Variants in ZNF365 observed in about 807,000 individuals in gnomAD.
ZNF365 encodes the protein protein ZNF365.
In ZNF365, 22 loss-of-function variants were observed where a neutral mutation model predicts 35.0. The ratio of observed to expected loss-of-function variants is 0.63; its 90% CI spans 0.45 to 0.90. The LOEUF (loss-of-function observed/expected upper bound fraction) is 0.90. ZNF365 is among the 40% of genes least tolerant of loss of function. ZNF365 has a pLI of 0.00. For missense variants in ZNF365, 448 were observed against 500.3 expected (o/e 0.90, Z 1.00); for synonymous variants, 188 against 196.2 (o/e 0.96, Z 0.35).
At chr10:62,428,717 T>A (rs985194835) in intron 3 of ZNF365, among the ~76,000 whole-genome samples, 3 of 152,012 alleles carry the variant, frequency 2.0e-5, no homozygotes, top group Non-Finnish European at 4.4e-5. Flanking sequence ...GTTGGTGGGG[T>A]GAAACCCATT....
intron 4 of ZNF365, among the ~76,000 whole-genome samples, chr10:62,470,565 A>G (rs16917275): frequency 0.19 from 28,855 of 152,196 alleles, 3,671 homozygotes; most frequent in African/African-American, 0.36. Flanking sequence ...TTTAGGTTAG[A>G]TACAAATCTC....
At chr10:62,390,559 C>A (rs574372067) in intron 3 of ZNF365, among the ~76,000 whole-genome samples, 45 of 152,246 alleles carry the variant, frequency 3.0e-4, no homozygotes, top group Admixed American at 7.8e-4. Context: ...ATAATGTAAT[C>A]AAAAGTTGGG....
At chr10:62,382,785 G>A (rs1839462400) in intron 2 of ZNF365, among the ~76,000 whole-genome samples, 2 of 152,194 alleles carry the variant, frequency 1.3e-5, no homozygotes, top group East Asian at 1.9e-4. Flanking sequence ...CTCCTGCTTT[G>A]GGATTTGCCT....
intron 4 of ZNF365, chr10:62,459,909 T>C: frequency 1.1e-6 from 1 of 883,764 alleles, no homozygotes; most frequent in Non-Finnish European, 1.8e-6. Flanking sequence ...GGTTTCTGTA[T>C]GAAAACACAC....
chr10:62,407,785 T>C (rs141305476), intron 3 of ZNF365, among the ~76,000 whole-genome samples: 1 of 152,318 alleles, frequency 6.6e-6, no homozygotes, highest in East Asian at 1.9e-4. Context: ...AAATACATGG[T>C]ATTTCCTTCT....
chr10:62,467,829 A>G (rs1232541377), intron 4 of ZNF365, among the ~76,000 whole-genome samples: 6 of 152,266 alleles, frequency 3.9e-5, no homozygotes, highest in African/African-American at 7.2e-5. Context: ...TCAAGTATCT[A>G]TTGTAACTGT....
chr10:62,391,429 T>C (rs1387332022), intron 3 of ZNF365, among the ~76,000 whole-genome samples: 2 of 151,662 alleles, frequency 1.3e-5, no homozygotes, highest in Non-Finnish European at 1.5e-5. Flanking sequence ...TCAAAGTCCA[T>C]TGTATCATTC....
At chr10:62,418,217 C>CT (rs1005319985) in intron 3 of ZNF365, among the ~76,000 whole-genome samples, 1 of 151,808 alleles carries the variant, frequency 6.6e-6, no homozygotes, top group Admixed American at 6.6e-5. Context: ...GTCAATATTT[C>CT]TTTTTTTGAC....
rs1839344140 is a variant in ZNF365 at position 62,376,861 on chromosome 10, A to C, written c.668A>C (p.Asp223Ala). 9 of 1,614,162 alleles carry C rather than the reference A, an allele frequency of 5.6e-6. No homozygotes were observed. The highest frequency in any genetic ancestry group is 2.2e-5 in the East Asian group (1 of 44,876). Residue 223 changes from aspartate to alanine, a missense_variant, in exon 2 of 5, where the codon GAC (aspartate) becomes GCC (alanine). By Grantham distance (126) the Asp-to-Ala change is moderately radical (BLOSUM62 -2). Transcript: ENST00000395254. ...GAGCGGGCCTTAAACAGACAGGTGG[A>C]CGTGGCCGTGGAAATGATAGCTGTA... ...RRERALNRQV[D>A]VAVEMIAVLR...
intron 3 of ZNF365, among the ~76,000 whole-genome samples, chr10:62,411,660 A>G (rs955855094): frequency 1.3e-5 from 2 of 152,110 alleles, no homozygotes; most frequent in Admixed American, 1.3e-4. Context: ...TACCAGTACC[A>G]TGCTGTTTTC....
chr10:62,415,347 T>A (rs1293204280), intron 3 of ZNF365, among the ~76,000 whole-genome samples: 2 of 152,174 alleles, frequency 1.3e-5, no homozygotes, highest in African/African-American at 4.8e-5. Context: ...AGACTGATTA[T>A]TTAAAGTGAT....
At position 62,401,966 on chromosome 10, in the gene ZNF365, G is replaced by C. The variant is rs1839837644; in HGVS notation, c.*2177G>C. On this transcript the variant is annotated 3_prime_UTR_variant, in exon 5 of 5. Coordinates refer to ENST00000395254, the MANE Select transcript of ZNF365 (RefSeq NM_014951.3). ...ATTTTGACCCCATATAAAGAAATGT[G>C]TTATGTATGTTGTGCCTCCTTAGAG... The C allele has an allele frequency of 8.1e-6, 8 of 985,488 alleles. No homozygotes were observed. Among genetic ancestry groups the C allele is most frequent in the Non-Finnish European group, 7.2e-6 (6 of 829,912 alleles). The allele number at this position is 985,488 out of a possible 1,614,324, so 61.0% of individuals were successfully genotyped here. A position where few individuals can be genotyped will look rare whatever the true frequency, so the allele number is the denominator to read the frequency against.
At position 62,429,173 on chromosome 10, in the gene ZNF365, G is replaced by T. The variant is rs79654696; in HGVS notation, c.925-30568G>T. On this transcript the variant is annotated intron_variant, in intron 3 of 4. Transcript: ENST00000395255. Reference sequence around the variant, plus strand: ...CCCAGCCTCCATTTAAACCAGGGATGCATAGAGAAAGAAGTGGGAATGGTT... The same window carrying T: ...CCCAGCCTCCATTTAAACCAGGGATTCATAGAGAAAGAAGTGGGAATGGTT... Among the ~76,000 whole-genome samples, 950 of 152,294 alleles carry T rather than the reference G, an allele frequency of 6.2e-3. 12 individuals carry two copies. Among genetic ancestry groups the T allele is most frequent in the African/African-American group, 0.022 (903 of 41,566 alleles).
At chr10:62,453,925 C>T (rs571692178) in intron 3 of ZNF365, among the ~76,000 whole-genome samples, 6 of 152,308 alleles carry the variant, frequency 3.9e-5, no homozygotes, top group East Asian at 1.9e-4. Context: ...TTAAATGATG[C>T]TGTGAAGGTT....
chr10:62,393,096 A>G (rs546985834), intron 3 of ZNF365, among the ~76,000 whole-genome samples: 2 of 151,584 alleles, frequency 1.3e-5, no homozygotes, highest in East Asian at 3.9e-4. Context: ...GATTATCAAT[A>G]TTCCTGTTCG....
At chr10:62,406,747 C>T (rs1318610587), downstream of ZNF365, among the ~76,000 whole-genome samples, 1 of 152,128 alleles carries the variant, frequency 6.6e-6, no homozygotes, top group East Asian at 1.9e-4. Flanking sequence ...ACAAGTGAAC[C>T]CTGGGAAGTA....
intron 4 of ZNF365, among the ~76,000 whole-genome samples, chr10:62,466,752 A>G (rs1212673261): frequency 1.3e-5 from 2 of 151,802 alleles, no homozygotes; most frequent in Non-Finnish European, 2.9e-5. Flanking sequence ...TAACCAGAGC[A>G]TTCAACAGGT....
intron 3 of ZNF365, among the ~76,000 whole-genome samples, chr10:62,443,547 T>C (rs191030969): frequency 8.3e-4 from 127 of 152,334 alleles, no homozygotes; most frequent in African/African-American, 2.7e-3. Context: ...CATATGTATA[T>C]GTCTCTTGGG....
At chr10:62,475,488 T>C (rs1841114605) in intron 4 of ZNF365, among the ~76,000 whole-genome samples, 1 of 152,192 alleles carries the variant, frequency 6.6e-6, no homozygotes, top group South Asian at 2.1e-4. Flanking sequence ...ATTGTGACTG[T>C]TCACTATGAA....
Sources: allele counts gnomAD v4.1 joint callset (sites outside exome capture counted in the v4.1 genomes callset), GRCh38; gene constraint gnomAD v4.1.1; transcripts MANE v1.5; gene names NCBI Gene and HGNC (gene_info 2026-07-23, HGNC 2026-07-21).